The following FMN2 variants were observed in gnomAD, a reference collection of about 807,000 sequenced individuals.
FMN2 encodes the protein formin 2, also known as formin-2.
A neutral mutation model predicts 142.3 loss-of-function variants in FMN2; 51 were observed. That is an observed-to-expected ratio of 0.36 (90% CI 0.29 to 0.45). FMN2 has a LOEUF of 0.45. FMN2 is among the 20% of genes least tolerant of loss of function. The pLI, the probability that FMN2 is intolerant of heterozygous loss-of-function variation, is 1.00. For synonymous variants in FMN2, 882 were observed against 869.8 expected (o/e 1.01, Z -0.25); for missense variants, 1,936 against 2,122.8 (o/e 0.91, Z 1.73).
chr1:240,403,614 C>CT (rs560703599), intron 15 of FMN2, among the ~76,000 whole-genome samples: 53 of 150,868 alleles, frequency 3.5e-4, no homozygotes, highest in Admixed American at 9.9e-4. Flanking sequence ...AAATAGAAGT[C>CT]TTTTTTTTTC....
intron 15 of FMN2, among the ~76,000 whole-genome samples, chr1:240,399,032 G>A (rs1216519069): frequency 1.3e-5 from 2 of 152,104 alleles, no homozygotes; most frequent in Admixed American, 1.3e-4. Flanking sequence ...ATGGAGCATA[G>A]ATTTTGGAAT....
intron 4 of FMN2, among the ~76,000 whole-genome samples, chr1:240,199,199 C>A (rs1257903622): frequency 6.6e-6 from 1 of 152,142 alleles, no homozygotes; most frequent in Non-Finnish European, 1.5e-5. Context: ...CTAGAGGTAT[C>A]CTAACCTGCC....
intron 2 of FMN2, among the ~76,000 whole-genome samples, chr1:240,172,644 A>G (rs1231042111): frequency 6.6e-6 from 1 of 152,174 alleles, no homozygotes. Flanking sequence ...CCAAAAGGTG[A>G]TGAGGTTTGC....
intron 6 of FMN2, among the ~76,000 whole-genome samples, chr1:240,224,403 G>C (rs1667229301): frequency 6.7e-6 from 1 of 149,610 alleles, no homozygotes; most frequent in African/African-American, 2.5e-5. Context: ...TTTACTTCCA[G>C]TTATGTGTTC....
chr1:240,198,741 A>G lies in FMN2; in HGVS notation c.1987-8058A>G, dbSNP rs531211131. Among the ~76,000 whole-genome samples, 3 of 152,258 alleles carry G rather than the reference A, an allele frequency of 2.0e-5. No homozygotes were observed. In the South Asian group the frequency reaches 6.2e-4, roughly 32 times the overall value. On this transcript the variant is annotated intron_variant, in intron 4 of 17. Coordinates refer to ENST00000319653, the MANE Select transcript of FMN2 (RefSeq NM_020066.5). ...CCTCGATCTCTTTCCCTATGGGATC[A>G]TGTGTAGCAGATGTTAACATATTAT...
intron 16 of FMN2, among the ~76,000 whole-genome samples, chr1:240,452,961 C>A (rs530192048): frequency 6.6e-6 from 1 of 152,090 alleles, no homozygotes; most frequent in African/African-American, 2.4e-5. Context: ...AGCAAGAGCA[C>A]GTGCTTGTAG....
chr1:240,203,351 C>G (rs960948974), intron 4 of FMN2, among the ~76,000 whole-genome samples: 2 of 152,162 alleles, frequency 1.3e-5, no homozygotes, highest in African/African-American at 4.8e-5. Context: ...TACAAAGATA[C>G]ATTCACACAT....
chr1:240,390,410 C>G (rs1033524510), intron 14 of FMN2, among the ~76,000 whole-genome samples: 1 of 152,150 alleles, frequency 6.6e-6, no homozygotes, highest in Non-Finnish European at 1.5e-5. Flanking sequence ...TTCGGCCAAA[C>G]TTGCTCACGC....
chr1:240,348,687 C>T (rs1418897423), intron 13 of FMN2, among the ~76,000 whole-genome samples: 2 of 152,116 alleles, frequency 1.3e-5, no homozygotes, highest in Non-Finnish European at 2.9e-5. Context: ...GAGCACTGAC[C>T]TTCCGTTCAA....
chr1:240,279,770 TAC>T (rs1156351325), intron 7 of FMN2, among the ~76,000 whole-genome samples: 2 of 152,160 alleles, frequency 1.3e-5, no homozygotes, highest in Non-Finnish European at 2.9e-5. Context: ...AAGTAATTTT[TAC>T]ACATCAACAT....
intron 14 of FMN2, among the ~76,000 whole-genome samples, chr1:240,382,942 A>C (rs541646825): frequency 1.3e-5 from 2 of 152,310 alleles, no homozygotes; most frequent in South Asian, 4.1e-4. Flanking sequence ...AGAATAGAGC[A>C]CCAAGAAACA....
intron 1 of FMN2, among the ~76,000 whole-genome samples, chr1:240,097,933 C>T (rs927060593): frequency 9.2e-5 from 14 of 151,904 alleles, no homozygotes; most frequent in Non-Finnish European, 1.3e-4. Context: ...GTAAGTGGCC[C>T]ATCCAGGATA....
chr1:240,336,582 A>AAAAAAAAAAAAGG (rs144682452), intron 13 of FMN2, among the ~76,000 whole-genome samples: 1 of 101,842 alleles, frequency 9.8e-6, no homozygotes, highest in East Asian at 3.9e-4. Context: ...AAAAAAAAAA[A>AAAAAAAAAAAAGG]GGTGGTTGCA....
At position 240,207,019 on chromosome 1, in the gene FMN2, A is replaced by T. The variant is rs747790181; in HGVS notation, c.2207A>T (p.His736Leu). The change falls in exon 5 of 18, where the codon CAT becomes CTT. Residue 736 changes from histidine (H) to leucine (L), a missense_variant. His to Leu is a moderately conservative substitution (Grantham distance 99, BLOSUM62 -3). Transcript: ENST00000319653. ...LRLEEKEVRH[H>L]RILEAKSIQT... ...TTAGAAGAAAAGGAAGTACGGCATC[A>T]TAGGATTTTAGAGGCGAAATCGATA... 6.2e-7 allele frequency: 1 copy of T among 1,614,160 alleles called. No individual in the cohort carries two copies. Among genetic ancestry groups the T allele is most frequent in the Non-Finnish European group, 8.5e-7 (1 of 1,180,008 alleles).
Position 240,438,166 on chromosome 1 carries a change from T to C in FMN2, c.5016T>C (p.Phe1672=). 1 of 1,614,078 alleles carries C rather than the reference T, an allele frequency of 6.2e-7. No individual in the cohort carries two copies. Among genetic ancestry groups the C allele is most frequent in the South Asian group, 1.1e-5 (1 of 91,044 alleles). The part of the protein sequence containing the change: ...FSIWHEFSSD[F]KDFWKKENKL... Reference sequence around the variant, plus strand: ...TCTGGCATGAATTCAGCTCTGACTTTAAAGACTTCTGGAAGAAAGAGAACA... The same window carrying C: ...TCTGGCATGAATTCAGCTCTGACTTCAAAGACTTCTGGAAGAAAGAGAACA... Residue 1672 remains phenylalanine (F), a synonymous_variant, in exon 16 of 18, where the codon TTT becomes TTC. Transcript: ENST00000319653.
chr1:240,310,135 GA>G (rs1012246059), intron 8 of FMN2, among the ~76,000 whole-genome samples: 6 of 151,996 alleles, frequency 3.9e-5, no homozygotes, highest in Admixed American at 2.6e-4. Flanking sequence ...ATTTTATCTA[GA>G]AAAAATAAAC....
intron 1 of FMN2, among the ~76,000 whole-genome samples, chr1:240,119,874 T>TA (rs1385554883): frequency 2.0e-5 from 3 of 152,188 alleles, no homozygotes; most frequent in African/African-American, 7.2e-5. Context: ...AGGAAAGAAT[T>TA]AGTCTTAGGG....
intron 1 of FMN2, among the ~76,000 whole-genome samples, chr1:240,104,515 C>T (rs925979238): frequency 6.6e-6 from 1 of 152,180 alleles, no homozygotes; most frequent in African/African-American, 2.4e-5. Flanking sequence ...TTTCACTTCC[C>T]ATTCCGAAGC....
At chr1:240,313,037 A>T (rs934992057) in intron 8 of FMN2, among the ~76,000 whole-genome samples, 1 of 152,340 alleles carries the variant, frequency 6.6e-6, no homozygotes, top group East Asian at 1.9e-4. Flanking sequence ...TACAAGGCTC[A>T]ATACAGAAAT....
Sources: allele counts gnomAD v4.1 joint callset (sites outside exome capture counted in the v4.1 genomes callset), GRCh38; gene constraint gnomAD v4.1.1; transcripts MANE v1.5; gene names NCBI Gene and HGNC (gene_info 2026-07-23, HGNC 2026-07-21).